Variants in ASCC3 observed in about 807,000 individuals in gnomAD.
The protein encoded by ASCC3 is ASC-1 complex subunit P200.
ASCC3 carries 158 observed loss-of-function variants against 256.3 expected under a neutral mutation model. That is an observed-to-expected ratio of 0.62 (90% confidence interval 0.54 to 0.70). The LOEUF (loss-of-function observed/expected upper bound fraction) is 0.70, where lower values mean the gene tolerates loss of function less well. ASCC3 is among the 30% of genes least tolerant of loss of function. ASCC3 has a pLI of 0.00. For missense variants in ASCC3, 2,259 were observed against 2,626.0 expected (o/e 0.86, Z 3.05); for synonymous variants, 948 against 883.4 (o/e 1.07, Z -1.30).
chr6:100,710,089 G>A (rs1778794071), intron 13 of ASCC3, among the ~76,000 whole-genome samples: 1 of 152,166 alleles, frequency 6.6e-6, no homozygotes, highest in African/African-American at 2.4e-5. Context: ...CTTCTTTGCA[G>A]TAAGGCACTA....
chr6:100,846,355 CAAT>C (rs1489113709), intron 4 of ASCC3, among the ~76,000 whole-genome samples: 2 of 152,276 alleles, frequency 1.3e-5, no homozygotes, highest in East Asian at 3.9e-4. Context: ...AAAATTATGA[CAAT>C]GATTGTCCAT....
chr6:100,864,693 C>A (rs1437855214), intron 2 of ASCC3, among the ~76,000 whole-genome samples: 1 of 152,146 alleles, frequency 6.6e-6, no homozygotes, highest in African/African-American at 2.4e-5. Flanking sequence ...GTCAGCATTA[C>A]TTTCTTAACC....
At chr6:100,553,496 T>A (rs1000268355) in intron 36 of ASCC3, among the ~76,000 whole-genome samples, 1 of 152,064 alleles carries the variant, frequency 6.6e-6, no homozygotes, top group Non-Finnish European at 1.5e-5. Flanking sequence ...CCATTATATT[T>A]TTATGTGAGA....
At chr6:100,512,572 A>C (rs1773818853) in intron 40 of ASCC3, 137 bp downstream of exon 40, 1 of 904,998 alleles carries the variant, frequency 1.1e-6, no homozygotes, top group Non-Finnish European at 1.8e-6. Flanking sequence ...CAAAAGACTA[A>C]CTCTCGCTGC....
At chr6:100,700,047 T>C (rs1292367488) in intron 13 of ASCC3, among the ~76,000 whole-genome samples, 1 of 152,080 alleles carries the variant, frequency 6.6e-6, no homozygotes, top group African/African-American at 2.4e-5. Context: ...GAAAATTGCA[T>C]AAGAAAAGAG....
chr6:100,872,870 C>A (rs1404239500), intron 1 of ASCC3, among the ~76,000 whole-genome samples: 1 of 152,140 alleles, frequency 6.6e-6, no homozygotes, highest in African/African-American at 2.4e-5. Flanking sequence ...CCCCGTGGGA[C>A]AAAATAATCT....
At chr6:100,681,411 G>A (rs1777296706) in intron 13 of ASCC3, among the ~76,000 whole-genome samples, 1 of 151,996 alleles carries the variant, frequency 6.6e-6, no homozygotes, top group Non-Finnish European at 1.5e-5. Flanking sequence ...ATACTAATAG[G>A]TTTTGAAAGG....
rs1185289983 is a variant in ASCC3, at chr6:100,724,390, GA to G, written c.1902+1148del. ...AGACTGCAGTGGTTTAGTCAAAAGG[GA>G]AATTGAATTGAGATTAATATTTCCA... On this transcript the variant is annotated intron_variant, in intron 11 of 41. Coordinates refer to ENST00000369162, the MANE Select transcript of ASCC3 (RefSeq NM_006828.4). Among the ~76,000 whole-genome samples, 7 of 151,996 alleles carry G rather than the reference GA, an allele frequency of 4.6e-5. No homozygotes were observed. In the East Asian group the frequency reaches 1.4e-3, roughly 29 times the overall value.
chr6:100,517,700 AGATT>A (rs1432524943), intron 38 of ASCC3, among the ~76,000 whole-genome samples: 1 of 152,180 alleles, frequency 6.6e-6, no homozygotes, highest in African/African-American at 2.4e-5. Context: ...TCTTAAATGA[AGATT>A]GATATTATAA....
intron 4 of ASCC3, among the ~76,000 whole-genome samples, chr6:100,841,213 G>C (rs1210333006): frequency 6.6e-6 from 1 of 152,182 alleles, no homozygotes; most frequent in Non-Finnish European, 1.5e-5. Context: ...CAGCAAAGGA[G>C]ATAGTAGTAA....
At chr6:100,747,149 CAT>C (rs1296542930) in intron 10 of ASCC3, among the ~76,000 whole-genome samples, 2 of 131,892 alleles carry the variant, frequency 1.5e-5, no homozygotes, top group Non-Finnish European at 3.3e-5. Context: ...AAAAAAAAAA[CAT>C]AAAAAGATGC....
intron 13 of ASCC3, among the ~76,000 whole-genome samples, chr6:100,691,222 A>T (rs544864769): frequency 6.6e-6 from 1 of 152,208 alleles, no homozygotes; most frequent in South Asian, 2.1e-4. Context: ...GACATTGTAC[A>T]ATATATTTAG....
At chr6:100,741,515 C>A (rs1200144677) in intron 10 of ASCC3, among the ~76,000 whole-genome samples, 2 of 152,146 alleles carry the variant, frequency 1.3e-5, no homozygotes. Flanking sequence ...CGTTTAGGTA[C>A]CCCAATCAGT....
intron 1 of ASCC3, among the ~76,000 whole-genome samples, chr6:100,869,770 A>T (rs923727436): frequency 6.6e-6 from 1 of 152,228 alleles, no homozygotes; most frequent in African/African-American, 2.4e-5. Flanking sequence ...CTAGTGCTAC[A>T]CTGAAAACAT....
At position 100,781,974 on chromosome 6, in the gene ASCC3, T is replaced by C. The variant is rs531424296; in HGVS notation, c.1396-14629A>G. Among the ~76,000 whole-genome samples the C allele has an allele frequency of 2.6e-5, 4 of 152,146 alleles. No individual in the cohort carries two copies. In the South Asian group the frequency reaches 8.3e-4, roughly 32 times the overall value. ...TCTCTCTATATATATTATACCAACA[T>C]ATGCTATTATTTTAAAATATCATCC... On this transcript the variant is annotated intron_variant, in intron 8 of 41. Coordinates refer to ENST00000369162, the MANE Select transcript of ASCC3 (RefSeq NM_006828.4).
At chr6:100,605,112 C>T (rs1772814774) in intron 33 of ASCC3, among the ~76,000 whole-genome samples, 1 of 152,128 alleles carries the variant, frequency 6.6e-6, no homozygotes, top group African/African-American at 2.4e-5. Context: ...TACAACTGTA[C>T]TATGAAAACC....
Position 100,509,993 on chromosome 6 carries a change from C to T in ASCC3, c.6400G>A (p.Gly2134Arg). 2 of 1,613,986 alleles carry T rather than the reference C, an allele frequency of 1.2e-6. No homozygotes were observed. Among genetic ancestry groups the T allele is most frequent in the Non-Finnish European group, 1.7e-6 (2 of 1,179,902 alleles). Residue 2134 changes from glycine (G) to arginine (R), a missense_variant, in exon 41 of 42, where the codon GGA (glycine) becomes AGA (arginine). Physicochemically the swap from Gly to Arg is moderately radical, Grantham distance 125 (BLOSUM62 -2). Coordinates refer to ENST00000369162, the MANE Select transcript of ASCC3 (RefSeq NM_006828.4). The stretch of plus-strand genomic sequence containing the variant: ...GCAACATGATGATTTCGAATATATC[C>T]TACTCTTTTCAAAGCAATAAGTTCT... ...KRELIALKRVGYIRNHHVASL... is the reference protein window; with the variant it reads ...KRELIALKRVRYIRNHHVASL...
At chr6:100,819,908 T>A (rs1392570025) in intron 4 of ASCC3, among the ~76,000 whole-genome samples, 1 of 130,360 alleles carries the variant, frequency 7.7e-6, no homozygotes, top group African/African-American at 2.5e-5. Context: ...AATAATACAT[T>A]ACTGGGAAAA....
intron 1 of ASCC3, among the ~76,000 whole-genome samples, chr6:100,875,706 T>C (rs1414196286): frequency 6.7e-6 from 1 of 148,328 alleles, no homozygotes; most frequent in Non-Finnish European, 1.5e-5. Flanking sequence ...AAAAGTGATA[T>C]GACAACAGAA....
Sources: allele counts gnomAD v4.1 joint callset (sites outside exome capture counted in the v4.1 genomes callset), GRCh38; gene constraint gnomAD v4.1.1; transcripts MANE v1.5; gene names NCBI Gene and HGNC (gene_info 2026-07-23, HGNC 2026-07-21).